The following MSH3 variants were observed in gnomAD, a reference collection of about 807,000 sequenced individuals.
MSH3 encodes mutS homolog 3, also known as DNA mismatch repair protein Msh3.
In MSH3, 106 loss-of-function variants were observed where a neutral mutation model predicts 123.3. The ratio of observed to expected loss-of-function variants is 0.86; its 90% CI spans 0.73 to 1.01. The LOEUF is 1.01. Among genes scored for constraint, MSH3 ranks in the 50% least tolerant of loss-of-function variants. The pLI is 0.00. For synonymous variants in MSH3, 515 were observed against 481.4 expected (o/e 1.07, Z -0.91); for missense variants, 1,459 against 1,347.6 (o/e 1.08, Z -1.29).
At chr5:80,847,494 C>A (rs921144234) in intron 20 of MSH3, among the ~76,000 whole-genome samples, 1 of 151,758 alleles carries the variant, frequency 6.6e-6, no homozygotes, top group Non-Finnish European at 1.5e-5. Flanking sequence ...ATATAAATAT[C>A]CAGATTTTAA....
chr5:80,850,642 A>G (rs1745814935), intron 20 of MSH3, among the ~76,000 whole-genome samples: 1 of 152,180 alleles, frequency 6.6e-6, no homozygotes, highest in African/African-American at 2.4e-5. Flanking sequence ...CACAGGAAAG[A>G]CCTGCCCCCA....
chr5:80,729,431 T>A (rs1457592749), intron 10 of MSH3, among the ~76,000 whole-genome samples: 18 of 40,730 alleles, frequency 4.4e-4, no homozygotes, highest in African/African-American at 8.1e-4. Flanking sequence ...AAAAAAAAAA[T>A]GTGTGTGTGT....
In MSH3 at chr5:80,729,785, T is replaced by A. The variant is rs559904962; in HGVS notation, c.1568+820T>A. Among the ~76,000 whole-genome samples, 7 of 152,206 alleles carry A rather than the reference T, an allele frequency of 4.6e-5. No homozygotes were observed. In the South Asian group the frequency reaches 6.2e-4, roughly 14 times the overall value. On this transcript the variant is annotated intron_variant, in intron 10 of 23. Coordinates refer to ENST00000265081, the MANE Select transcript of MSH3 (RefSeq NM_002439.5). ...TGATAACCATTGGAATAGAAAAAAG[T>A]AGTAGGGTACTTTCCTTGTCTTTTT...
intron 10 of MSH3, among the ~76,000 whole-genome samples, chr5:80,738,013 C>T (rs562162409): frequency 7.9e-5 from 12 of 152,226 alleles, no homozygotes; most frequent in Non-Finnish European, 1.3e-4. Context: ...AAAGAAAAGA[C>T]AAAAACACCC....
At chr5:80,676,519 A>G (rs1749842249) in intron 7 of MSH3, among the ~76,000 whole-genome samples, 1 of 152,284 alleles carries the variant, frequency 6.6e-6, no homozygotes, top group Non-Finnish European at 1.5e-5. Context: ...TGCTTTTTCT[A>G]ATTTCTACGG....
chr5:80,813,865 A>G (rs1283694060), intron 20 of MSH3, 124 bp downstream of exon 20: 2 of 1,136,366 alleles, frequency 1.8e-6, no homozygotes, highest in East Asian at 4.8e-5. Flanking sequence ...AGGAGCTTAA[A>G]TAAATTATTT....
At chr5:80,758,785 T>A (rs994646569) in intron 12 of MSH3, among the ~76,000 whole-genome samples, 1 of 152,190 alleles carries the variant, frequency 6.6e-6, no homozygotes, top group Non-Finnish European at 1.5e-5. Flanking sequence ...TTTATTAAAC[T>A]TTTTTGCTCG....
At chr5:80,838,793 G>C (rs1177373943) in intron 20 of MSH3, among the ~76,000 whole-genome samples, 3 of 152,290 alleles carry the variant, frequency 2.0e-5, no homozygotes, top group Admixed American at 6.5e-5. Flanking sequence ...GCCAGGACTA[G>C]AGTGATGGCC....
intron 8 of MSH3, among the ~76,000 whole-genome samples, chr5:80,692,552 A>ATAAACAT (rs1444467314): frequency 5.8e-5 from 5 of 86,778 alleles, no homozygotes; most frequent in South Asian, 3.9e-4. Context: ...GTTTATATAG[A>ATAAACAT]GAGATAAACA....
intron 8 of MSH3, among the ~76,000 whole-genome samples, chr5:80,699,558 CAAAAAA>C (rs55795731): frequency 4.3e-4 from 34 of 78,528 alleles, no homozygotes; most frequent in Non-Finnish European, 5.7e-4. Flanking sequence ...ACACTGTCTC[CAAAAAA>C]AAAAAAAAAA....
At chr5:80,786,069 C>A (rs976111322) in intron 17 of MSH3, among the ~76,000 whole-genome samples, 2 of 151,694 alleles carry the variant, frequency 1.3e-5, no homozygotes, top group East Asian at 3.9e-4. Context: ...GTGCAGCACA[C>A]CAGCATGGCA....
At chr5:80,716,018 C>T (rs573245600) in intron 8 of MSH3, among the ~76,000 whole-genome samples, 11 of 152,290 alleles carry the variant, frequency 7.2e-5, no homozygotes, top group African/African-American at 2.6e-4. Context: ...TTAGTGCTCT[C>T]TCTGGCAGCA....
chr5:80,768,126 TACCAG>T lies in MSH3; in HGVS notation c.2084+10_2084+14del, dbSNP rs2112884599. On this transcript the variant is annotated splice_region_variant and intron_variant, in intron 14 of 23. Transcript: ENST00000265081. ...CTCAATGAACAAGCTGCCAAGTAAG[TACCAG>T]ACCCTGAATTCTTCCTTTTCACCAG... is the stretch of plus-strand genomic sequence containing the variant. The T allele has an allele frequency of 6.2e-7, 1 of 1,611,960 alleles. No homozygotes were observed.
At chr5:80,770,270 ATTT>A (rs62892161) in intron 15 of MSH3, among the ~76,000 whole-genome samples, 30 of 144,082 alleles carry the variant, frequency 2.1e-4, no homozygotes, top group East Asian at 2.0e-4. Context: ...TTTCTACTAC[ATTT>A]TTTTTTTTTT....
chr5:80,739,886 C>G (rs1428844247), intron 10 of MSH3, among the ~76,000 whole-genome samples: 1 of 152,130 alleles, frequency 6.6e-6, no homozygotes, highest in East Asian at 1.9e-4. Flanking sequence ...ATTAGGTTCT[C>G]TAAAGTTCTG....
intron 21 of MSH3, among the ~76,000 whole-genome samples, chr5:80,859,074 A>C (rs1172332392): frequency 3.9e-5 from 6 of 152,098 alleles, no homozygotes; most frequent in African/African-American, 1.4e-4. Flanking sequence ...AGAAATTAAT[A>C]TAGCTGCTTC....
intron 18 of MSH3, among the ~76,000 whole-genome samples, chr5:80,788,919 G>A (rs1431104015): frequency 6.6e-6 from 1 of 151,988 alleles, no homozygotes; most frequent in Non-Finnish European, 1.5e-5. Flanking sequence ...CACTGCCATA[G>A]GTGTCATCAG....
At chr5:80,869,677 A>C (rs77048856) in intron 22 of MSH3, among the ~76,000 whole-genome samples, 4,654 of 151,646 alleles carry the variant, frequency 0.031, 230 homozygotes, top group African/African-American at 0.1. Context: ...CAGAGCAGTG[A>C]AATATTTTAT....
intron 15 of MSH3, among the ~76,000 whole-genome samples, chr5:80,774,928 A>T (rs1395857395): frequency 2.0e-5 from 3 of 152,194 alleles, no homozygotes; most frequent in Non-Finnish European, 4.4e-5. Flanking sequence ...ATAATAATTT[A>T]ATTGTACATT....
Sources: allele counts gnomAD v4.1 joint callset (sites outside exome capture counted in the v4.1 genomes callset), GRCh38; gene constraint gnomAD v4.1.1; transcripts MANE v1.5; gene names NCBI Gene and HGNC (gene_info 2026-07-23, HGNC 2026-07-21).